The following NRG1 variants were observed in gnomAD, a reference collection of about 807,000 sequenced individuals.
The protein encoded by NRG1 is pro-neuregulin-1, membrane-bound isoform.
NRG1 carries 18 observed loss-of-function variants against 63.8 expected under a neutral mutation model. The observed-to-expected ratio is 0.28, with a 90% confidence interval of 0.19 to 0.42. The LOEUF is 0.42. NRG1 is among the 10% of genes least tolerant of loss of function. NRG1 has a pLI of 1.00. For missense variants in NRG1, 762 were observed against 814.7 expected, an observed-to-expected ratio of 0.94 and a Z score of 0.79; for synonymous variants, 302 against 301.3, an observed-to-expected ratio of 1.00 and a Z score of -0.02.
intron 1 of NRG1, among the ~76,000 whole-genome samples, chr8:31,660,765 T>C (rs1373000521): frequency 1.3e-5 from 2 of 152,350 alleles, no homozygotes; most frequent in South Asian, 2.1e-4. Context: ...TACTCTGGCT[T>C]AAATTCTATT....
At chr8:32,515,268 G>A (rs1478006249) in intron 1 of NRG1, among the ~76,000 whole-genome samples, 7 of 152,056 alleles carry the variant, frequency 4.6e-5, no homozygotes, top group African/African-American at 1.2e-4. Flanking sequence ...CCACAGCCTC[G>A]CCAGCATCTA....
At chr8:31,767,724 C>A (rs917708721) in intron 1 of NRG1, among the ~76,000 whole-genome samples, 1 of 151,768 alleles carries the variant, frequency 6.6e-6, no homozygotes, top group Non-Finnish European at 1.5e-5. Flanking sequence ...CCTGTAATCC[C>A]AGCTACTCAG....
chr8:31,770,790 T>TATAC (rs1554526896), intron 1 of NRG1, among the ~76,000 whole-genome samples: 6 of 147,928 alleles, frequency 4.1e-5, no homozygotes, highest in Admixed American at 2.7e-4. Flanking sequence ...TATATATATA[T>TATAC]ATATATACAT....
chr8:31,729,354 T>A (rs539915478), intron 1 of NRG1, among the ~76,000 whole-genome samples: 2 of 152,304 alleles, frequency 1.3e-5, no homozygotes, highest in East Asian at 3.9e-4. Context: ...ATGTAGGTCT[T>A]ATCTGCTTTG....
At chr8:32,594,926 T>A (rs1843100531) in intron 1 of NRG1, among the ~76,000 whole-genome samples, 1 of 152,220 alleles carries the variant, frequency 6.6e-6, no homozygotes. Context: ...GGAGCCATTG[T>A]TAAGATTGAT....
chr8:32,251,519 T>C (rs71350771), intron 1 of NRG1, among the ~76,000 whole-genome samples: 1 of 152,270 alleles, frequency 6.6e-6, no homozygotes, highest in African/African-American at 2.4e-5. Context: ...AATAAACATA[T>C]GTGTGCATGT....
At chr8:31,673,613 G>C (rs1375884637) in intron 1 of NRG1, among the ~76,000 whole-genome samples, 1 of 152,124 alleles carries the variant, frequency 6.6e-6, no homozygotes, top group Non-Finnish European at 1.5e-5. Context: ...AGTCTAAAGT[G>C]CATGCATTTA....
At chr8:32,593,591 T>C (rs905408766) in intron 1 of NRG1, among the ~76,000 whole-genome samples, 1 of 151,372 alleles carries the variant, frequency 6.6e-6, no homozygotes, top group Non-Finnish European at 1.5e-5. Context: ...TAGGTGGAGG[T>C]TGGAGTGAGC....
intron 11 of NRG1, chr8:32,760,967 A>G (rs1248007685): frequency 3.0e-6 from 3 of 986,340 alleles, no homozygotes; most frequent in Non-Finnish European, 3.6e-6. Context: ...GAAGGGATGA[A>G]TAAATAAATC....
Position 31,774,014 on chromosome 8 carries a change from TA to T in NRG1, c.37+134594del, listed in dbSNP as rs59980607. The stretch of plus-strand genomic sequence containing the variant: ...CTAAATAAATGAGCTGTGTTAAAAT[TA>T]AAAAAAAAAAGAAAAAGAAGTGCAT... On this transcript the variant is annotated intron_variant, in intron 1 of 10. Coordinates refer to the NRG1 transcript ENST00000519301. Among the ~76,000 whole-genome samples the T allele has an allele frequency of 9.5e-4, 138 of 144,954 alleles. No individual in the cohort carries two copies. In the East Asian group the frequency reaches 9.7e-3, roughly 10 times the overall value.
At chr8:32,373,399 G>C (rs1489034406) in intron 1 of NRG1, among the ~76,000 whole-genome samples, 2 of 152,084 alleles carry the variant, frequency 1.3e-5, no homozygotes, top group Admixed American at 6.6e-5. Context: ...AAATGTCCCA[G>C]CTCTTATAAA....
intron 1 of NRG1, among the ~76,000 whole-genome samples, chr8:32,011,661 G>A (rs1054577084): frequency 2.6e-5 from 4 of 152,052 alleles, no homozygotes; most frequent in African/African-American, 9.7e-5. Context: ...ATTCTCCTGA[G>A]CACCACTCTC....
intron 1 of NRG1, among the ~76,000 whole-genome samples, chr8:31,964,855 G>A (rs1400622733): frequency 6.6e-6 from 1 of 152,194 alleles, no homozygotes; most frequent in Non-Finnish European, 1.5e-5. Flanking sequence ...CAGCTGATAA[G>A]TAAGAGAGCA....
intron 1 of NRG1, among the ~76,000 whole-genome samples, chr8:32,083,488 A>G (rs1254382345): frequency 6.6e-6 from 1 of 152,122 alleles, no homozygotes; most frequent in Non-Finnish European, 1.5e-5. Context: ...ATAATGTGGC[A>G]TATTTTATCT....
At chr8:32,175,756 C>G (rs540462235) in intron 1 of NRG1, among the ~76,000 whole-genome samples, 1 of 152,232 alleles carries the variant, frequency 6.6e-6, no homozygotes, top group African/African-American at 2.4e-5. Context: ...AATAAAATAC[C>G]TAGGAATCCA....
At chr8:32,628,902 T>C (rs192174278) in intron 5 of NRG1, among the ~76,000 whole-genome samples, 1 of 152,004 alleles carries the variant, frequency 6.6e-6, no homozygotes, top group Admixed American at 6.6e-5. Context: ...CTGGCTAATA[T>C]TTTGTATTTT....
chr8:31,685,158 A>G (rs1434454705), intron 1 of NRG1, among the ~76,000 whole-genome samples: 4 of 152,154 alleles, frequency 2.6e-5, no homozygotes. Flanking sequence ...GAAATGGCCT[A>G]TTAGTGTGCT....
intron 1 of NRG1, among the ~76,000 whole-genome samples, chr8:31,736,785 TC>T: frequency 6.6e-6 from 1 of 152,258 alleles, no homozygotes; most frequent in Non-Finnish European, 1.5e-5. Context: ...GCAAGGCCAT[TC>T]CTCATTATAT....
At chr8:32,518,522 T>C (rs890667023) in intron 1 of NRG1, among the ~76,000 whole-genome samples, 2 of 152,166 alleles carry the variant, frequency 1.3e-5, no homozygotes, top group Non-Finnish European at 2.9e-5. Flanking sequence ...CCCACTGGAA[T>C]GTAATTTGTA....
Sources: gnomAD v4.1 joint callset for allele counts (sites outside exome capture counted in the v4.1 genomes callset) on GRCh38, gnomAD v4.1.1 for gene constraint, MANE v1.5 for transcripts, NCBI Gene and HGNC (gene_info 2026-07-23, HGNC 2026-07-21) for gene names.